The following DNAJC15 variants were observed in gnomAD, a reference collection of about 807,000 sequenced individuals.
DNAJC15 encodes the protein dnaJ homolog subfamily C member 15.
DNAJC15 carries 27 observed loss-of-function variants against 22.4 expected under a neutral mutation model. The ratio of observed to expected loss-of-function variants is 1.20; its 90% CI spans 0.89 to 1.66. DNAJC15 has a LOEUF of 1.66. Among genes scored for constraint, DNAJC15 ranks in the 40% most tolerant of loss-of-function variants. The pLI is 0.00. For missense variants in DNAJC15, 208 were observed against 187.1 expected (o/e 1.11, Z -0.65); for synonymous variants, 79 against 63.2 (o/e 1.25, Z -1.19).
In DNAJC15 at chr13:43,097,810, G is replaced by A. The variant is rs551053376; in HGVS notation, c.383-9368G>A. Among the ~76,000 whole-genome samples the A allele has an allele frequency of 1.4e-4, 21 of 152,198 alleles. No individual in the cohort carries two copies. In the East Asian group the frequency reaches 3.9e-3, roughly 28 times the overall value. ...AAATTAGCCGGGCGTGGTGGCACAT[G>A]CCTGTAATCCCAGCTACTCAGGAGG... On this transcript the variant is annotated intron_variant, in intron 5 of 5. Transcript: ENST00000379221.
chr13:43,034,132 C>T (rs1004981672), intron 1 of DNAJC15, among the ~76,000 whole-genome samples: 7 of 151,302 alleles, frequency 4.6e-5, no homozygotes, highest in African/African-American at 1.5e-4. Context: ...TAATCTGATG[C>T]GGCAGTATTT....
Position 43,078,682 on chromosome 13 carries a change from G to GTT in DNAJC15, c.306_307insTT (p.Val103LeufsTer2). The GTT allele has an allele frequency of 2.5e-6, 4 of 1,613,230 alleles. No individual in the cohort carries two copies. The highest frequency in any genetic ancestry group is 3.4e-6 in the Non-Finnish European group (4 of 1,179,420). ...AGGCGAGAAGCTGGTCTTATTTTAG[G>GTT]TGTAAGGTAGGTGTGCAGCATAAGT... On this transcript the variant is annotated frameshift_variant, in exon 4 of 6. Transcript: ENST00000379221. LOFTEE classifies it high-confidence loss of function.
rs1294025470 is a variant in DNAJC15 at position 43,110,875 on chromosome 13, ATTT to A, written c.*3628_*3630del. The A allele has an allele frequency of 1.3e-5, 2 of 152,204 alleles. No homozygotes were observed. The highest frequency in any genetic ancestry group is 4.8e-5 in the African/African-American group (2 of 41,454). 9.4% of individuals were successfully genotyped at this position (152,204 alleles called of 1,614,324 possible). A position where few individuals can be genotyped will look rare whatever the true frequency, so the allele number is the denominator to read the frequency against. On this transcript the variant is annotated 3_prime_UTR_variant, in exon 6 of 6. Coordinates refer to ENST00000379221, the MANE Select transcript of DNAJC15 (RefSeq NM_013238.3). ...CCAACTCCTTATCTGTAAAAAGCTT[ATTT>A]GAGTGGTTACCTGTCTTCAGTAAAG...
chr13:43,054,021 C>T (rs1014698566), intron 1 of DNAJC15, among the ~76,000 whole-genome samples: 4 of 152,198 alleles, frequency 2.6e-5, no homozygotes, highest in African/African-American at 9.7e-5. Context: ...TTCAACTTTT[C>T]TCCACTCAGT....
intron 5 of DNAJC15, among the ~76,000 whole-genome samples, chr13:43,106,340 A>G (rs1035901930): frequency 6.6e-6 from 1 of 152,176 alleles, no homozygotes; most frequent in African/African-American, 2.4e-5. Context: ...GTTAGAAGGT[A>G]TATGATGTTT....
At chr13:43,045,635 TA>T (rs1447987062) in intron 1 of DNAJC15, among the ~76,000 whole-genome samples, 2 of 152,212 alleles carry the variant, frequency 1.3e-5, no homozygotes, top group African/African-American at 4.8e-5. Flanking sequence ...AGTTGATTTT[TA>T]ACTACTAGGT....
intron 5 of DNAJC15, among the ~76,000 whole-genome samples, chr13:43,088,133 A>G (rs533983116): frequency 1.3e-5 from 2 of 152,272 alleles, no homozygotes; most frequent in East Asian, 1.9e-4. Flanking sequence ...ATCAATGTGT[A>G]TTTTGCCTAT....
Position 43,107,209 on chromosome 13 carries a change from TGA to T in DNAJC15, c.415_416del (p.Glu139SerfsTer37). 1 of 1,590,796 alleles carries T rather than the reference TGA, an allele frequency of 6.3e-7. No individual in the cohort carries two copies. The highest frequency in any genetic ancestry group is 8.5e-7 in the Non-Finnish European group (1 of 1,170,616). On this transcript the variant is annotated frameshift_variant, in exon 6 of 6. Coordinates refer to ENST00000379221, the MANE Select transcript of DNAJC15 (RefSeq NM_013238.3). LOFTEE classifies it high-confidence loss of function. ...CTCCTTACGTAGCAGCCAAAATAAA[TGA>T]AGCAAAAGACTTGCTAGAAACAACC... Reference protein sequence around the residue: ...GSPYVAAKINEAKDLLETTTK... With the variant: ...GSPYVAAKINXAKDLLETTTK...
intron 1 of DNAJC15, among the ~76,000 whole-genome samples, chr13:43,034,531 G>A (rs1322467094): frequency 3.3e-5 from 5 of 151,718 alleles, no homozygotes; most frequent in Non-Finnish European, 5.9e-5. Context: ...TAGCCAGGAT[G>A]GTCTTGTTCT....
chr13:43,083,132 G>GC (rs2040671031), intron 4 of DNAJC15, among the ~76,000 whole-genome samples: 3 of 151,924 alleles, frequency 2.0e-5, no homozygotes, highest in Admixed American at 2.0e-4. Flanking sequence ...GATGTAAAAT[G>GC]CATTAAGCAC....
intron 1 of DNAJC15, among the ~76,000 whole-genome samples, chr13:43,029,750 A>C (rs181955368): frequency 9.7e-4 from 148 of 152,240 alleles, no homozygotes; most frequent in African/African-American, 3.3e-3. Context: ...GGCATTATTT[A>C]AATAATGTTT....
At chr13:43,087,986 T>A (rs2040697284) in intron 5 of DNAJC15, among the ~76,000 whole-genome samples, 1 of 152,214 alleles carries the variant, frequency 6.6e-6, no homozygotes, top group Admixed American at 6.5e-5. Flanking sequence ...TCTTTTAGAT[T>A]ACTGCTTTTC....
At chr13:43,074,427 GA>G (rs1441088814) in intron 3 of DNAJC15, among the ~76,000 whole-genome samples, 3 of 151,920 alleles carry the variant, frequency 2.0e-5, no homozygotes, top group African/African-American at 7.2e-5. Flanking sequence ...TCTGTTTTCA[GA>G]AAAAAAGGAC....
intron 1 of DNAJC15, among the ~76,000 whole-genome samples, chr13:43,027,065 G>A (rs897744800): frequency 2.6e-5 from 4 of 152,132 alleles, no homozygotes; most frequent in African/African-American, 9.7e-5. Context: ...TGGTTTAATA[G>A]AAGTCATAAT....
rs543141932 is a variant in DNAJC15 at position 43,030,983 on chromosome 13, T to C, written c.108+7249T>C. ...AAAGTGAGTTGAATGAGTAGAACAT[T>C]GAGAAAAGGGAAGAATGTGAGCTAA... On this transcript the variant is annotated intron_variant, in intron 1 of 5. Coordinates refer to ENST00000379221, the MANE Select transcript of DNAJC15 (RefSeq NM_013238.3). Among the ~76,000 whole-genome samples, 4 of 152,178 alleles carry C rather than the reference T, an allele frequency of 2.6e-5. No homozygotes were observed. The South Asian group carries it at 8.3e-4, about 32-fold the overall frequency.
intron 1 of DNAJC15, among the ~76,000 whole-genome samples, chr13:43,054,801 C>T (rs1010090921): frequency 6.6e-6 from 1 of 151,990 alleles, no homozygotes; most frequent in Admixed American, 6.6e-5. Context: ...AGAAGAGAGT[C>T]CCTGGCAGAA....
At chr13:43,107,132 G>A in intron 5 of DNAJC15, 46 bp from the exon 6 acceptor site, 2 of 1,475,936 alleles carry the variant, frequency 1.4e-6, no homozygotes, top group Non-Finnish European at 1.8e-6. Flanking sequence ...TTTAAAGTAT[G>A]TCAATGATGA....
chr13:43,068,947 A>T lies in DNAJC15; in HGVS notation c.178A>T (p.Ile60Phe). 1 of 1,612,796 alleles carries T rather than the reference A, an allele frequency of 6.2e-7. No homozygotes were observed. Among genetic ancestry groups the T allele is most frequent in the East Asian group, 2.2e-5 (1 of 44,740 alleles). The change falls in exon 3 of 6, where the codon ATC becomes TTC. Residue 60 changes from isoleucine (I) to phenylalanine (F), a missense_variant. Transcript: ENST00000379221. ...LAFAGRYAFRIWKPLEQVITE... is the reference protein window; with the variant it reads ...LAFAGRYAFRFWKPLEQVITE... ...CTATTTAGGTCGCTACGCATTTCGG[A>T]TCTGGAAACCTCTAGAACAAGTTAT... is the stretch of plus-strand genomic sequence containing the variant.
Position 43,108,611 on chromosome 13 carries a change from T to C in DNAJC15, c.*1363T>C, listed in dbSNP as rs1239495487. The C allele has an allele frequency of 1.3e-5, 2 of 152,194 alleles. No homozygotes were observed. The highest frequency in any genetic ancestry group is 2.9e-5 in the Non-Finnish European group (2 of 68,038). 9.4% of individuals were successfully genotyped at this position (152,194 alleles called of 1,614,324 possible). On this transcript the variant is annotated 3_prime_UTR_variant, in exon 6 of 6. Transcript: ENST00000379221. ...TAGGAGTTCTCAACCTTGGCATTATTGACATGTTAGGCCAAATAATTTTTT... is the reference window on the plus strand; with the variant it reads ...TAGGAGTTCTCAACCTTGGCATTATCGACATGTTAGGCCAAATAATTTTTT...
Sources: gnomAD v4.1 joint callset for allele counts (sites outside exome capture counted in the v4.1 genomes callset) on GRCh38, gnomAD v4.1.1 for gene constraint, MANE v1.5 for transcripts, NCBI Gene and HGNC (gene_info 2026-07-23, HGNC 2026-07-21) for gene names.